The following LRRC7 variants were observed in gnomAD, a reference collection of about 807,000 sequenced individuals.
LRRC7 encodes leucine rich repeat containing 7.
In LRRC7, 23 loss-of-function variants were observed where a neutral mutation model predicts 175.7. The ratio of observed to expected loss-of-function variants is 0.13; its 90% CI spans 0.09 to 0.19. The LOEUF is 0.19. LRRC7 is among the 10% of genes least tolerant of loss of function. The pLI is 1.00. For synonymous variants in LRRC7, 685 were observed against 680.9 expected, an observed-to-expected ratio of 1.01 and a Z score of -0.09; for missense variants, 1,354 against 1,904.7, an observed-to-expected ratio of 0.71 and a Z score of 5.38.
At chr1:70,064,156 TG>T (rs1346747805) in intron 23 of LRRC7, among the ~76,000 whole-genome samples, 2 of 152,026 alleles carry the variant, frequency 1.3e-5, no homozygotes, top group Non-Finnish European at 2.9e-5. Flanking sequence ...AACATCTTCC[TG>T]CCCCCTTTAT....
At chr1:69,718,243 T>A (rs886263374) in intron 2 of LRRC7, among the ~76,000 whole-genome samples, 1 of 151,658 alleles carries the variant, frequency 6.6e-6, no homozygotes, top group Non-Finnish European at 1.5e-5. Context: ...GGGAGTTTGG[T>A]GCTGGGAAAC....
At chr1:69,592,960 T>C (rs1418992735) in intron 1 of LRRC7, among the ~76,000 whole-genome samples, 1 of 152,062 alleles carries the variant, frequency 6.6e-6, no homozygotes, top group Non-Finnish European at 1.5e-5. Flanking sequence ...TTTTTCTTTT[T>C]ACATAAATAT....
chr1:69,931,997 GAAGT>G lies in LRRC7; in HGVS notation c.711+432_711+435del, dbSNP rs548062107. Among the ~76,000 whole-genome samples, 13 of 152,324 alleles carry G rather than the reference GAAGT, an allele frequency of 8.5e-5. No individual in the cohort carries two copies. The South Asian group carries it at 2.7e-3, about 32-fold the overall frequency. ...GGCTTCTTGGTGCCATTGCATGAGAGAAGTAAGTCACCAATGGCATTCTGGTTCT... is the reference window on the plus strand; with the variant it reads ...GGCTTCTTGGTGCCATTGCATGAGAGAAGTCACCAATGGCATTCTGGTTCT... On this transcript the variant is annotated intron_variant, in intron 8 of 26. Coordinates refer to ENST00000651989, the MANE Select transcript of LRRC7 (RefSeq NM_001370785.2).
Position 69,786,165 on chromosome 1 carries a change from G to A in LRRC7, c.304-5878G>A, listed in dbSNP as rs1569854128. Among the ~76,000 whole-genome samples the A allele has an allele frequency of 2.0e-5, 3 of 152,048 alleles. No homozygotes were observed. In the East Asian group the frequency reaches 5.8e-4, roughly 29 times the overall value. ...AAATTTAAAGTTGAGTTCCTTAGAG[G>A]AGACTTGTATGCTTCTACCTGGCAC... On this transcript the variant is annotated intron_variant, in intron 3 of 26. Coordinates refer to ENST00000651989, the MANE Select transcript of LRRC7 (RefSeq NM_001370785.2).
rs1040074808 is a variant in LRRC7 at position 70,138,622 on chromosome 1, T to A, written c.*16735T>A. ...GAGGATTAATCAAATTGTTTCAAAA[T>A]TTTTAAGGAGCCAAATTTAAATTCT... On this transcript the variant is annotated 3_prime_UTR_variant, in exon 27 of 27. Coordinates refer to ENST00000651989, the MANE Select transcript of LRRC7 (RefSeq NM_001370785.2). The A allele has an allele frequency of 6.6e-6, 1 of 152,212 alleles. No homozygotes were observed. Among genetic ancestry groups the A allele is most frequent in the African/African-American group, 2.4e-5 (1 of 41,458 alleles). The allele number at this position is 152,212 out of a possible 1,614,324, so 9.4% of individuals were successfully genotyped here. A position where few individuals can be genotyped will look rare whatever the true frequency, so the allele number is the denominator to read the frequency against.
chr1:69,794,563 C>A (rs1351093028), intron 4 of LRRC7, among the ~76,000 whole-genome samples: 1 of 152,184 alleles, frequency 6.6e-6, no homozygotes, highest in Admixed American at 6.5e-5. Context: ...TATTTATATA[C>A]ATTCACACTT....
intron 7 of LRRC7, among the ~76,000 whole-genome samples, chr1:69,882,512 T>C (rs1686723047): frequency 6.6e-6 from 1 of 151,940 alleles, no homozygotes; most frequent in African/African-American, 2.4e-5. Context: ...TGTACATACC[T>C]ACACACACAA....
At chr1:69,805,847 A>T (rs1677055178) in intron 4 of LRRC7, among the ~76,000 whole-genome samples, 1 of 151,928 alleles carries the variant, frequency 6.6e-6, no homozygotes, top group African/African-American at 2.4e-5. Flanking sequence ...CACTTATTCC[A>T]TGGGAGATAA....
chr1:69,852,800 T>G (rs1199709678), intron 7 of LRRC7, among the ~76,000 whole-genome samples: 1 of 152,182 alleles, frequency 6.6e-6, no homozygotes, highest in East Asian at 1.9e-4. Context: ...ACATTTTAGA[T>G]GGAATGAATT....
At chr1:69,769,429 A>G (rs1206297292) in intron 3 of LRRC7, among the ~76,000 whole-genome samples, 4 of 146,248 alleles carry the variant, frequency 2.7e-5, no homozygotes, top group Non-Finnish European at 3.1e-5. Flanking sequence ...CACAGACATA[A>G]TATTACAATT....
At chr1:69,968,333 T>C (rs1422881645) in intron 8 of LRRC7, among the ~76,000 whole-genome samples, 4 of 152,096 alleles carry the variant, frequency 2.6e-5, no homozygotes, top group Non-Finnish European at 5.9e-5. Context: ...CTAAGAATAA[T>C]GTATTCCTGA....
rs1661390268 is a variant in LRRC7 at position 70,059,267 on chromosome 1, G to A, written c.4230+6122G>A. 3.3e-5 allele frequency among the ~76,000 whole-genome samples: 5 copies of A among 152,260 alleles called. No individual in the cohort carries two copies. In the South Asian group the frequency reaches 1.0e-3, roughly 32 times the overall value. ...GGAGTAATAAAGATGGATAACAAGGGTCAATATCAGGATGGACACAGAGGA... is the reference window on the plus strand; with the variant it reads ...GGAGTAATAAAGATGGATAACAAGGATCAATATCAGGATGGACACAGAGGA... On this transcript the variant is annotated intron_variant, in intron 23 of 26. Transcript: ENST00000651989.
chr1:69,616,141 T>A (rs1393025712), intron 1 of LRRC7, among the ~76,000 whole-genome samples: 2 of 152,080 alleles, frequency 1.3e-5, no homozygotes, highest in Non-Finnish European at 2.9e-5. Context: ...TTAATACCTG[T>A]CTTTAAGTAA....
chr1:70,046,551 G>C (rs539697651), intron 22 of LRRC7, among the ~76,000 whole-genome samples: 1 of 152,214 alleles, frequency 6.6e-6, no homozygotes, highest in South Asian at 2.1e-4. Flanking sequence ...GGAGGAAAAA[G>C]ATACATAAGC....
intron 1 of LRRC7, among the ~76,000 whole-genome samples, chr1:69,674,461 A>G (rs1188964726): frequency 2.0e-5 from 3 of 152,170 alleles, no homozygotes; most frequent in Non-Finnish European, 2.9e-5. Flanking sequence ...TAAATGAAGT[A>G]ATTTACTTCA....
At chr1:69,882,098 C>T (rs1045902343) in intron 7 of LRRC7, among the ~76,000 whole-genome samples, 1 of 149,616 alleles carries the variant, frequency 6.7e-6, no homozygotes, top group African/African-American at 2.5e-5. Context: ...CCAAAGAAGA[C>T]TTATGAATGA....
chr1:69,623,060 C>T (rs1341778), intron 1 of LRRC7, among the ~76,000 whole-genome samples: 19,512 of 152,048 alleles, frequency 0.13, 1,601 homozygotes, highest in South Asian at 0.19. Flanking sequence ...TTTTCTACCA[C>T]TTGGATCTTT....
intron 1 of LRRC7, among the ~76,000 whole-genome samples, chr1:69,573,416 T>C (rs2100883514): frequency 6.6e-6 from 1 of 152,328 alleles, no homozygotes; most frequent in Admixed American, 6.5e-5. Flanking sequence ...ATACACCCTA[T>C]TATTTTTGGA....
intron 4 of LRRC7, among the ~76,000 whole-genome samples, chr1:69,802,827 A>C (rs907461919): frequency 6.6e-6 from 1 of 151,318 alleles, no homozygotes; most frequent in Admixed American, 6.6e-5. Flanking sequence ...TTTATTGCAT[A>C]ATTTTACAAA....
Sources: gnomAD v4.1 joint callset for allele counts (sites outside exome capture counted in the v4.1 genomes callset) on GRCh38, gnomAD v4.1.1 for gene constraint, MANE v1.5 for transcripts, NCBI Gene and HGNC (gene_info 2026-07-23, HGNC 2026-07-21) for gene names.